Variants in TMEM132D observed in about 807,000 individuals in gnomAD.
TMEM132D encodes the protein mature OL transmembrane protein.
A neutral mutation model predicts 62.3 loss-of-function variants in TMEM132D; 21 were observed. The observed-to-expected ratio is 0.34, with a 90% confidence interval of 0.24 to 0.49. TMEM132D has a LOEUF of 0.49. Ranked by LOEUF, TMEM132D falls within the 20% of genes least tolerant of loss-of-function variation. The pLI, the probability that TMEM132D is intolerant of heterozygous loss-of-function variation, is 0.99. For synonymous variants in TMEM132D, 621 were observed against 575.6 expected, an observed-to-expected ratio of 1.08 and a Z score of -1.13; for missense variants, 1,346 against 1,402.8, an observed-to-expected ratio of 0.96 and a Z score of 0.65.
intron 4 of TMEM132D, among the ~76,000 whole-genome samples, chr12:129,270,669 G>A (rs1470792218): frequency 4.6e-5 from 7 of 152,272 alleles, no homozygotes; most frequent in Middle Eastern, 3.4e-3. Flanking sequence ...GTGAGAGTGT[G>A]CCAAGAGAAT....
intron 4 of TMEM132D, among the ~76,000 whole-genome samples, chr12:129,252,769 T>C (rs1350512837): frequency 1.3e-5 from 2 of 151,940 alleles, no homozygotes; most frequent in East Asian, 1.9e-4. Context: ...CTATTCACAA[T>C]AGCAAAGACT....
chr12:129,080,629 A>G (rs1246167542), intron 7 of TMEM132D, among the ~76,000 whole-genome samples: 1 of 152,198 alleles, frequency 6.6e-6, no homozygotes, highest in East Asian at 1.9e-4. Context: ...GCCTGATAAG[A>G]CAATCGCATT....
At chr12:129,311,487 T>C (rs749316624) in intron 4 of TMEM132D, among the ~76,000 whole-genome samples, 1 of 152,210 alleles carries the variant, frequency 6.6e-6, no homozygotes, top group Non-Finnish European at 1.5e-5. Flanking sequence ...GTTGATGTTC[T>C]GGATGTTGTG....
chr12:129,307,089 T>C (rs1006874539), intron 4 of TMEM132D, among the ~76,000 whole-genome samples: 2 of 151,874 alleles, frequency 1.3e-5, no homozygotes, highest in Non-Finnish European at 2.9e-5. Context: ...TAAGCAAATT[T>C]AGCAATCCCA....
chr12:129,597,386 A>G (rs1878366646), intron 2 of TMEM132D, among the ~76,000 whole-genome samples: 1 of 152,226 alleles, frequency 6.6e-6, no homozygotes, highest in African/African-American at 2.4e-5. Context: ...ATTTATAAAT[A>G]AAATAAAAAC....
At chr12:129,667,473 C>G (rs1259450401) in intron 2 of TMEM132D, among the ~76,000 whole-genome samples, 1 of 152,072 alleles carries the variant, frequency 6.6e-6, no homozygotes, top group African/African-American at 2.4e-5. Flanking sequence ...AGCTAAGTCT[C>G]CTATCAAAGT....
At chr12:129,676,167 G>A (rs961099142) in intron 2 of TMEM132D, among the ~76,000 whole-genome samples, 2 of 152,160 alleles carry the variant, frequency 1.3e-5, no homozygotes, top group African/African-American at 4.8e-5. Flanking sequence ...CTGAATTTCA[G>A]GCAGTGTTAA....
intron 2 of TMEM132D, among the ~76,000 whole-genome samples, chr12:129,673,432 A>C (rs140444650): frequency 6.6e-6 from 1 of 152,350 alleles, no homozygotes; most frequent in East Asian, 1.9e-4. Flanking sequence ...TGGAAATTTC[A>C]ATCATAAAAA....
At chr12:129,713,582 G>T (rs1429800593) in intron 1 of TMEM132D, among the ~76,000 whole-genome samples, 9 of 152,298 alleles carry the variant, frequency 5.9e-5, no homozygotes, top group Non-Finnish European at 2.9e-5. Context: ...CTCACCTTGT[G>T]TGTCTTGCTT....
intron 1 of TMEM132D, among the ~76,000 whole-genome samples, chr12:129,803,762 G>C (rs1871876867): frequency 6.6e-6 from 1 of 151,842 alleles, no homozygotes; most frequent in African/African-American, 2.4e-5. Flanking sequence ...CTGGTTTTTT[G>C]AAAGGATCAA....
chr12:129,164,967 G>A (rs1008132900), intron 5 of TMEM132D, among the ~76,000 whole-genome samples: 11 of 152,174 alleles, frequency 7.2e-5, no homozygotes, highest in African/African-American at 2.7e-4. Flanking sequence ...TCAGTCATAC[G>A]AGCTAAAAGC....
At chr12:129,452,623 T>C (rs1370429574) in intron 3 of TMEM132D, among the ~76,000 whole-genome samples, 1 of 152,144 alleles carries the variant, frequency 6.6e-6, no homozygotes, top group African/African-American at 2.4e-5. Context: ...AATTTGATAA[T>C]TGTTCTTTTT....
chr12:129,895,559 A>G (rs924306168), intron 1 of TMEM132D, among the ~76,000 whole-genome samples: 4 of 152,212 alleles, frequency 2.6e-5, no homozygotes, highest in African/African-American at 9.6e-5. Flanking sequence ...CCATGCCTGC[A>G]CAGCCCTGGC....
chr12:129,175,790 A>G (rs1486631), intron 5 of TMEM132D, among the ~76,000 whole-genome samples: 49,542 of 152,150 alleles, frequency 0.33, 8,560 homozygotes, highest in East Asian at 0.57. Flanking sequence ...TGCAAATGCA[A>G]TGGTACTTTG....
chr12:129,835,192 A>G (rs1202438847), intron 1 of TMEM132D, among the ~76,000 whole-genome samples: 2 of 152,224 alleles, frequency 1.3e-5, no homozygotes, highest in African/African-American at 2.4e-5. Flanking sequence ...TAGAAAATAC[A>G]GCAAGGAAAG....
At chr12:129,511,501 T>C (rs1875495537) in intron 3 of TMEM132D, among the ~76,000 whole-genome samples, 1 of 152,256 alleles carries the variant, frequency 6.6e-6, no homozygotes, top group Non-Finnish European at 1.5e-5. Context: ...TGTCAGTCTT[T>C]TAAAATTTAG....
intron 2 of TMEM132D, among the ~76,000 whole-genome samples, chr12:129,638,975 G>A (rs999358833): frequency 3.9e-5 from 6 of 152,102 alleles, no homozygotes; most frequent in Admixed American, 6.5e-5. Context: ...TGAAGTATCC[G>A]AGAGGATACA....
At chr12:129,584,839 C>T (rs11060450) in intron 2 of TMEM132D, among the ~76,000 whole-genome samples, 43,409 of 152,110 alleles carry the variant, frequency 0.29, 7,819 homozygotes, top group Non-Finnish European at 0.4. Context: ...AAAGAAAGAA[C>T]GGCTCCACAT....
At chr12:129,131,569 C>T (rs2135525319) in intron 5 of TMEM132D, among the ~76,000 whole-genome samples, 1 of 152,200 alleles carries the variant, frequency 6.6e-6, no homozygotes, top group South Asian at 2.1e-4. Flanking sequence ...ATCGTGGCCA[C>T]TGCACTCCAG....
Sources: gnomAD v4.1 joint callset for allele counts (sites outside exome capture counted in the v4.1 genomes callset) on GRCh38, gnomAD v4.1.1 for gene constraint, MANE v1.5 for transcripts, NCBI Gene and HGNC (gene_info 2026-07-23, HGNC 2026-07-21) for gene names.